ANK2: variants seen among roughly 807,000 people sequenced by gnomAD.
ANK2 encodes ankyrin 2, also known as ankyrin-2.
Under a neutral mutation model 360.5 loss-of-function variants are expected in ANK2, and 83 were observed. The ratio of observed to expected loss-of-function variants is 0.23; its 90% CI spans 0.19 to 0.28. The LOEUF is 0.28. Among genes scored for constraint, ANK2 ranks in the 10% least tolerant of loss-of-function variants. The probability of loss-of-function intolerance (pLI) is 1.00; values close to 1 mark genes in which losing one functional copy is unlikely to be tolerated. For missense variants in ANK2, 4,201 were observed against 4,795.7 expected (o/e 0.88, Z 3.66); for synonymous variants, 1,740 against 1,759.5 (o/e 0.99, Z 0.28).
At chr4:112,845,576 T>A (rs2063106303) in intron 1 of ANK2, among the ~76,000 whole-genome samples, 1 of 152,128 alleles carries the variant, frequency 6.6e-6, no homozygotes, top group African/African-American at 2.4e-5. Flanking sequence ...CGTGGAGCCC[T>A]CTCCTGGGGT....
Position 113,324,438 on chromosome 4 carries a change from G to A in ANK2, c.2901-5808G>A, listed in dbSNP as rs1588213009. Among the ~76,000 whole-genome samples, 3 of 152,084 alleles carry A rather than the reference G, an allele frequency of 2.0e-5. No homozygotes were observed. The South Asian group carries it at 6.2e-4, about 32-fold the overall frequency. ...CTAATTATAGTATTTTTATTATACA[G>A]CCATCCATTATGGTACTACAAATTA... On this transcript the variant is annotated intron_variant, in intron 26 of 45. Transcript: ENST00000357077.
At chr4:113,245,807 A>G (rs72898074) in intron 9 of ANK2, among the ~76,000 whole-genome samples, 13 of 147,114 alleles carry the variant, frequency 8.8e-5, no homozygotes, top group African/African-American at 3.0e-4. Flanking sequence ...ACATATGAAA[A>G]TTTTTTTTTT....
chr4:113,318,760 C>T, intron 26 of ANK2, 140 bp downstream of exon 26: 1 of 718,758 alleles, frequency 1.4e-6, no homozygotes, highest in Admixed American at 2.1e-5. Context: ...AATAACATTG[C>T]TTTATCCAAC....
intron 1 of ANK2, chr4:113,150,937 C>T: frequency 1.8e-6 from 1 of 549,590 alleles, no homozygotes; most frequent in Non-Finnish European, 2.8e-6. Flanking sequence ...AGGTTGTAGT[C>T]TGCATATCAT....
intron 5 of ANK2, among the ~76,000 whole-genome samples, chr4:113,233,424 C>G (rs1156448922): frequency 6.6e-6 from 1 of 151,904 alleles, no homozygotes; most frequent in Non-Finnish European, 1.5e-5. Flanking sequence ...CGTGAGCCAC[C>G]GCGCCCGGCC....
intron 1 of ANK2, among the ~76,000 whole-genome samples, chr4:112,894,377 T>G (rs967269774): frequency 1.3e-5 from 2 of 152,176 alleles, no homozygotes; most frequent in Non-Finnish European, 2.9e-5. Flanking sequence ...TGACATAAAA[T>G]TTTTGTATTT....
intron 2 of ANK2, among the ~76,000 whole-genome samples, chr4:112,946,924 CT>C (rs1190229612): frequency 6.6e-6 from 1 of 152,136 alleles, no homozygotes; most frequent in East Asian, 1.9e-4. Flanking sequence ...ATCAATTATT[CT>C]TTTAAGTTGA....
In ANK2 at chr4:112,933,290, C is replaced by T. The variant is rs62317095; in HGVS notation, c.21+28776C>T. Among the ~76,000 whole-genome samples, 1,144 of 152,234 alleles carry T rather than the reference C, an allele frequency of 7.5e-3. 6 individuals carry two copies. The highest frequency in any genetic ancestry group is 0.013 in the Non-Finnish European group (851 of 68,010). On this transcript the variant is annotated intron_variant, in intron 2 of 30. Coordinates refer to the ANK2 transcript ENST00000503271. ...TCTAAGGAATGGAAATATAGGTGTT[C>T]ACTTTACAAGTCTCCCTCTGCTTTT...
chr4:113,018,283 T>G (rs1341305262), intron 2 of ANK2, among the ~76,000 whole-genome samples: 1 of 152,178 alleles, frequency 6.6e-6, no homozygotes, highest in Non-Finnish European at 1.5e-5. Flanking sequence ...AAGTCTATCA[T>G]GGAGTAAGGG....
chr4:113,216,350 G>A (rs945912109), intron 4 of ANK2, among the ~76,000 whole-genome samples: 5 of 152,302 alleles, frequency 3.3e-5, no homozygotes, highest in Non-Finnish European at 5.9e-5. Context: ...TGCCAGGAAG[G>A]GGAAGCACTA....
the ANK2 span, among the ~76,000 whole-genome samples, chr4:112,719,715 A>C: frequency 6.8e-6 from 1 of 146,748 alleles, no homozygotes; most frequent in Non-Finnish European, 1.5e-5. Flanking sequence ...CGACAGAGCG[A>C]GACTCCGACT....
rs573263711 is a variant in ANK2 at position 113,109,172 on chromosome 4, T to C, written c.84+59360T>C. On this transcript the variant is annotated intron_variant, in intron 1 of 45. Transcript: ENST00000357077. Reference sequence around the variant, plus strand: ...TAAATCTGTACTCAAAGAATTCAGCTTGCTTAACTTCCCAACTAAGTGATA... The same window carrying C: ...TAAATCTGTACTCAAAGAATTCAGCCTGCTTAACTTCCCAACTAAGTGATA... 3.3e-5 allele frequency among the ~76,000 whole-genome samples: 5 copies of C among 152,312 alleles called. No homozygotes were observed. The South Asian group carries it at 8.3e-4, about 25-fold the overall frequency.
intron 1 of ANK2, among the ~76,000 whole-genome samples, chr4:112,885,796 CAAAAAAA>C (rs750277917): frequency 1.9e-3 from 52 of 26,966 alleles, no homozygotes; most frequent in African/African-American, 2.8e-3. Flanking sequence ...GACTCTGTCT[CAAAAAAA>C]AAAAAAAAAA....
chr4:112,741,683 A>T, the ANK2 span, among the ~76,000 whole-genome samples: 1 of 152,148 alleles, frequency 6.6e-6, no homozygotes, highest in Admixed American at 6.6e-5. Context: ...TAAATCTTTA[A>T]AATTGGCTTT....
chr4:112,859,357 G>A (rs1303405135), intron 1 of ANK2, among the ~76,000 whole-genome samples: 1 of 152,134 alleles, frequency 6.6e-6, no homozygotes, highest in Non-Finnish European at 1.5e-5. Context: ...TATGATTGTT[G>A]CAATATTTAC....
the ANK2 span, among the ~76,000 whole-genome samples, chr4:112,772,937 A>G: frequency 6.6e-6 from 1 of 152,202 alleles, no homozygotes; most frequent in African/African-American, 2.4e-5. Context: ...AGCTTTGAAA[A>G]GACATACAGA....
In ANK2 at chr4:113,356,054, A is replaced by G. The variant is rs201619005; in HGVS notation, c.7436A>G (p.Lys2479Arg). Residue 2479 changes from lysine to arginine, a missense_variant, in exon 38 of 46, where the codon AAG becomes AGG. Lys to Arg is a conservative substitution (Grantham distance 26). Around this residue, in one of 4 missense-constraint regions of ANK2, gnomAD observed 2,642 missense variants for 2,714.5 expected, o/e 0.97. Transcript: ENST00000357077. ...AGCAGCCCTGTTGAACCAAAGATGA[A>G]GGCTGGAATTTTTCCAAGTCACTTT... ...LESSPVEPKM[K>R]AGIFPSHFPL... 5.1e-5 allele frequency: 82 copies of G among 1,614,058 alleles called. No individual in the cohort carries two copies. In the South Asian group the frequency reaches 6.9e-4, roughly 14 times the overall value.
intron 15 of ANK2, among the ~76,000 whole-genome samples, chr4:113,275,965 G>T (rs569878269): frequency 7.5e-6 from 1 of 133,608 alleles, no homozygotes; most frequent in Non-Finnish European, 1.5e-5. Flanking sequence ...TTTTTGAGAC[G>T]GAGTCTCGCT....
Position 113,355,627 on chromosome 4 carries a change from A to G in ANK2, c.7009A>G (p.Lys2337Glu). The change falls in exon 38 of 46, where the codon AAA becomes GAA. Residue 2337 changes from lysine (K) to glutamate (E), a missense_variant. Lys to Glu is a moderately conservative substitution (Grantham distance 56). Around this residue, in one of 4 missense-constraint regions of ANK2, gnomAD observed 2,642 missense variants for 2,714.5 expected, o/e 0.97. Coordinates refer to ENST00000357077, the MANE Select transcript of ANK2 (RefSeq NM_001148.6). ...AGGCAGCTGTAGTGTAGCATTAGCT[A>G]AAGAGACACCTACAGGACTGACTGA... is the stretch of plus-strand genomic sequence containing the variant. Reference protein sequence around the residue: ...CTGSCSVALAKETPTGLTEEA... With the variant: ...CTGSCSVALAEETPTGLTEEA... 3 of 1,614,090 alleles carry G rather than the reference A, an allele frequency of 1.9e-6. No individual in the cohort carries two copies. The highest frequency in any genetic ancestry group is 1.1e-5 in the South Asian group (1 of 91,082).
Sources: allele counts gnomAD v4.1 joint callset (sites outside exome capture counted in the v4.1 genomes callset), GRCh38; gene constraint gnomAD v4.1.1; regional missense constraint gnomAD v4.1.1; transcripts MANE v1.5; gene names NCBI Gene and HGNC (gene_info 2026-07-23, HGNC 2026-07-21).